The following AGPAT4 variants were observed in gnomAD, a reference collection of about 807,000 sequenced individuals.
AGPAT4 encodes the protein 1-acyl-sn-glycerol-3-phosphate acyltransferase delta.
Under a neutral mutation model 48.0 loss-of-function variants are expected in AGPAT4, and 15 were observed. The ratio of observed to expected loss-of-function variants is 0.31; its 90% confidence interval spans 0.21 to 0.48. The LOEUF (loss-of-function observed/expected upper bound fraction) is 0.48, where lower values mean the gene tolerates loss of function less well. Among genes scored for constraint, AGPAT4 ranks in the 20% least tolerant of loss-of-function variants. AGPAT4 has a pLI of 0.99. For synonymous variants in AGPAT4, 178 were observed against 198.7 expected, an observed-to-expected ratio of 0.90 and a Z score of 0.88; for missense variants, 314 against 482.5, an observed-to-expected ratio of 0.65 and a Z score of 3.27.
At position 161,159,015 on chromosome 6, in the gene AGPAT4, ATAAAATGAGGTATC is replaced by A. The variant is rs757544298; in HGVS notation, c.349-4719_349-4706del. On this transcript the variant is annotated intron_variant, in intron 3 of 8. Transcript: ENST00000320285. This position sits in a 1 kb window ranked among gnomAD's most constrained non-coding sequence, Gnocchi z 4.1. ...AAGGTCATTTATTTCTACTAAATATATAAAATGAGGTATCTTAAGTGGAACTTCAAAAACAGGTG... is the reference window on the plus strand; with the variant it reads ...AAGGTCATTTATTTCTACTAAATATATTAAGTGGAACTTCAAAAACAGGTG... Among the ~76,000 whole-genome samples the A allele has an allele frequency of 1.3e-5, 2 of 152,236 alleles. No homozygotes were observed. The highest frequency in any genetic ancestry group is 2.9e-5 in the Non-Finnish European group (2 of 68,046).
Position 161,272,775 on chromosome 6 carries a change from C to T in AGPAT4, c.-90+1163G>A, listed in dbSNP as rs1198654470. On this transcript the variant is annotated intron_variant, in intron 1 of 8. Coordinates refer to ENST00000320285, the MANE Select transcript of AGPAT4 (RefSeq NM_020133.3). The surrounding 1 kb of genome is among the most constrained non-coding windows in gnomAD (Gnocchi z 4.2). ...TTCTCTCAAGATACTTTTTTTCCAA[C>T]TGAGAGTCGTTGACTAATCACAGAT... is the stretch of plus-strand genomic sequence containing the variant. 6.6e-6 allele frequency among the ~76,000 whole-genome samples: 1 copy of T among 151,756 alleles called. No individual in the cohort carries two copies. The highest frequency in any genetic ancestry group is 1.5e-5 in the Non-Finnish European group (1 of 68,016).
rs1783116737 is a variant in AGPAT4 at position 161,261,997 on chromosome 6, C to T, written c.-90+11941G>A. On this transcript the variant is annotated intron_variant, in intron 1 of 8. Transcript: ENST00000320285. This position sits in a 1 kb window ranked among gnomAD's most constrained non-coding sequence, Gnocchi z 5.3. ...AATGGAGATAAGAAGAGTTCCTAGT[C>T]GAGGGCTGGTGGTGAGGATTATCCG... Among the ~76,000 whole-genome samples, 1 of 152,140 alleles carries T rather than the reference C, an allele frequency of 6.6e-6. No homozygotes were observed. Among genetic ancestry groups the T allele is most frequent in the Non-Finnish European group, 1.5e-5 (1 of 68,030 alleles).
intron 2 of AGPAT4, among the ~76,000 whole-genome samples, chr6:161,190,004 T>A (rs548709691): frequency 1.8e-4 from 27 of 152,252 alleles, no homozygotes; most frequent in African/African-American, 5.1e-4. Flanking sequence ...CACCTTACGG[T>A]CAATGACTAG....
intron 1 of AGPAT4, among the ~76,000 whole-genome samples, chr6:161,239,643 C>A (rs1442822280): frequency 6.6e-6 from 1 of 152,172 alleles, no homozygotes; most frequent in Non-Finnish European, 1.5e-5. Flanking sequence ...ATCTAAACAT[C>A]TTATTGAAGC....
At chr6:161,172,072 G>C (rs1780281483) in intron 2 of AGPAT4, among the ~76,000 whole-genome samples, 1 of 152,160 alleles carries the variant, frequency 6.6e-6, no homozygotes, top group Non-Finnish European at 1.5e-5. Flanking sequence ...AAGAATTGGA[G>C]CCATTTGGTA....
rs184422193 is a variant in AGPAT4 at position 161,189,842 on chromosome 6, G to C, written c.179-23425C>G. Among the ~76,000 whole-genome samples, 1 of 152,292 alleles carries C rather than the reference G, an allele frequency of 6.6e-6. No individual in the cohort carries two copies. The highest frequency in any genetic ancestry group is 1.5e-5 in the Non-Finnish European group (1 of 68,032). On this transcript the variant is annotated intron_variant, in intron 2 of 8. Coordinates refer to ENST00000320285, the MANE Select transcript of AGPAT4 (RefSeq NM_020133.3). The surrounding 1 kb of genome is among the most constrained non-coding windows in gnomAD (Gnocchi z 5.3). Reference sequence around the variant, plus strand: ...TCAAGATAGCACTGAGTTTTGTGCAGGCCCAGGCTCTGTTCTGTCTTATCA... The same window carrying C: ...TCAAGATAGCACTGAGTTTTGTGCACGCCCAGGCTCTGTTCTGTCTTATCA...
At position 161,255,344 on chromosome 6, in the gene AGPAT4, T is replaced by C. The variant is rs1782917975; in HGVS notation, c.-90+18594A>G. On this transcript the variant is annotated intron_variant, in intron 1 of 8. Coordinates refer to ENST00000320285, the MANE Select transcript of AGPAT4 (RefSeq NM_020133.3). The surrounding 1 kb of genome is among the most constrained non-coding windows in gnomAD (Gnocchi z 4.7). ...AGTTCTTCTGATGTTAGAATTACCATATGACCCAGAAACTCTACTCCTAGG... is the reference window on the plus strand; with the variant it reads ...AGTTCTTCTGATGTTAGAATTACCACATGACCCAGAAACTCTACTCCTAGG... Among the ~76,000 whole-genome samples, 1 of 152,190 alleles carries C rather than the reference T, an allele frequency of 6.6e-6. No homozygotes were observed. The highest frequency in any genetic ancestry group is 6.5e-5 in the Admixed American group (1 of 15,278).
At position 161,161,317 on chromosome 6, in the gene AGPAT4, G is replaced by A. The variant is rs566625548; in HGVS notation, c.348+4931C>T. On this transcript the variant is annotated intron_variant, in intron 3 of 8. Transcript: ENST00000320285. The surrounding 1 kb of genome is among the most constrained non-coding windows in gnomAD (Gnocchi z 4.6). ...GAACCCGCGGTGCAGCCATAGTCCC[G>A]TGAGCTGCCCACTTCCTGCCCTGGC... is the stretch of plus-strand genomic sequence containing the variant. 374 of 456,712 alleles carry A rather than the reference G, an allele frequency of 8.2e-4. 4 individuals are homozygous for A. The highest frequency in any genetic ancestry group is 1.8e-3 in the South Asian group (117 of 64,576). 28.3% of individuals were successfully genotyped at this position (456,712 alleles called of 1,614,324 possible).
rs1375144242 is a variant in AGPAT4, at chr6:161,219,872, T to TAGATAGATAGATAGAC, written c.178+12163_178+12164insGTCTATCTATCTATCT. 1.2e-4 allele frequency among the ~76,000 whole-genome samples: 15 copies of TAGATAGATAGATAGAC among 121,240 alleles called. 1 individual carries two copies. The highest frequency in any genetic ancestry group is 3.7e-4 in the African/African-American group (13 of 35,340). 79.5% of individuals were successfully genotyped at this position (121,240 alleles called of 152,430 possible). A position where few individuals can be genotyped will look rare whatever the true frequency, so the allele number is the denominator to read the frequency against. On this transcript the variant is annotated intron_variant, in intron 2 of 8. Transcript: ENST00000320285. The surrounding 1 kb of genome is among the most constrained non-coding windows in gnomAD (Gnocchi z 4.9). ...ATAGATAGATAGATAGATAGATAGATAGGCAGGCAGGCAGGCAGGCAGGCA... is the reference window on the plus strand; with the variant it reads ...ATAGATAGATAGATAGATAGATAGATAGATAGATAGATAGACAGGCAGGCAGGCAGGCAGGCAGGCA...
In AGPAT4 at chr6:161,177,727, T is replaced by C. The variant is rs1467791400; in HGVS notation, c.179-11310A>G. ...CATTCCTTTGGAGTAGAAGAGGCAC[T>C]CTGATTTTTAGAATTTTCAGCTTTT... On this transcript the variant is annotated intron_variant, in intron 2 of 8. Coordinates refer to ENST00000320285, the MANE Select transcript of AGPAT4 (RefSeq NM_020133.3). The surrounding 1 kb of genome is among the most constrained non-coding windows in gnomAD (Gnocchi z 5.0). 6.6e-6 allele frequency among the ~76,000 whole-genome samples: 1 copy of C among 152,238 alleles called. No individual in the cohort carries two copies. Among genetic ancestry groups the C allele is most frequent in the Non-Finnish European group, 1.5e-5 (1 of 68,038 alleles).
At chr6:161,237,630 A>G (rs550573881) in intron 1 of AGPAT4, among the ~76,000 whole-genome samples, 2 of 152,190 alleles carry the variant, frequency 1.3e-5, no homozygotes, top group Non-Finnish European at 2.9e-5. Flanking sequence ...TAAAATAATA[A>G]TGTGTGCATA....
At position 161,246,278 on chromosome 6, in the gene AGPAT4, G is replaced by A. The variant is rs1370754375; in HGVS notation, c.-89-13976C>T. On this transcript the variant is annotated intron_variant, in intron 1 of 8. Transcript: ENST00000320285. The surrounding 1 kb of genome is among the most constrained non-coding windows in gnomAD (Gnocchi z 5.5). ...ACGCATACATTCATTCGTCCACTGAGAAGTATATTCATTCATTAGGTTCCC... is the reference window on the plus strand; with the variant it reads ...ACGCATACATTCATTCGTCCACTGAAAAGTATATTCATTCATTAGGTTCCC... Among the ~76,000 whole-genome samples, 1 of 152,182 alleles carries A rather than the reference G, an allele frequency of 6.6e-6. No individual in the cohort carries two copies. The highest frequency in any genetic ancestry group is 1.9e-4 in the East Asian group (1 of 5,194).
At chr6:161,205,549 G>C (rs1781357009) in intron 2 of AGPAT4, among the ~76,000 whole-genome samples, 1 of 152,166 alleles carries the variant, frequency 6.6e-6, no homozygotes, top group African/African-American at 2.4e-5. Context: ...CCACTTACTT[G>C]GTTTCTACTC....
rs1781774085 is a variant in AGPAT4, at chr6:161,219,885, A to AGGCAGGCAGGCAGGCAGGC, written c.178+12132_178+12150dup. ...TAGATAGATAGATAGGCAGGCAGGC[A>AGGCAGGCAGGCAGGCAGGC]GGCAGGCAGGCAGGCAGGCAGGCAG... is the stretch of plus-strand genomic sequence containing the variant. On this transcript the variant is annotated intron_variant, in intron 2 of 8. Coordinates refer to ENST00000320285, the MANE Select transcript of AGPAT4 (RefSeq NM_020133.3). The surrounding 1 kb of genome is among the most constrained non-coding windows in gnomAD (Gnocchi z 4.9). Among the ~76,000 whole-genome samples the AGGCAGGCAGGCAGGCAGGC allele has an allele frequency of 8.3e-6, 1 of 119,786 alleles. No homozygotes were observed. Among genetic ancestry groups the AGGCAGGCAGGCAGGCAGGC allele is most frequent in the African/African-American group, 3.4e-5 (1 of 29,142 alleles). The allele number at this position is 119,786 out of a possible 152,430, so 78.6% of individuals were successfully genotyped here.
At position 161,134,743 on chromosome 6, in the gene AGPAT4, A is replaced by ACCTC. The variant is rs1779011358; in HGVS notation, c.*1796_*1797insGAGG. The ACCTC allele has an allele frequency of 6.6e-6, 1 of 152,054 alleles. No individual in the cohort carries two copies. Among genetic ancestry groups the ACCTC allele is most frequent in the Non-Finnish European group, 1.5e-5 (1 of 68,056 alleles). The allele number at this position is 152,054 out of a possible 1,614,324, so 9.4% of individuals were successfully genotyped here. A position where few individuals can be genotyped will look rare whatever the true frequency, so the allele number is the denominator to read the frequency against. ...CGTGCTCACAGACACGCAAGGCTAC[A>ACCTC]CACCATGCACACCTCCACTTCTCCA... is the stretch of plus-strand genomic sequence containing the variant. On this transcript the variant is annotated 3_prime_UTR_variant, in exon 9 of 9. Coordinates refer to ENST00000320285, the MANE Select transcript of AGPAT4 (RefSeq NM_020133.3).
chr6:161,162,203 G>A (rs545163040), intron 3 of AGPAT4, among the ~76,000 whole-genome samples: 5 of 152,200 alleles, frequency 3.3e-5, no homozygotes, highest in Non-Finnish European at 7.3e-5. Context: ...TCATGTCACC[G>A]TGGGGTGGGC....
At position 161,143,945 on chromosome 6, in the gene AGPAT4, C is replaced by T; in HGVS notation, c.843+2579G>A. The T allele has an allele frequency of 3.3e-6, 1 of 298,954 alleles. No homozygotes were observed. The highest frequency in any genetic ancestry group is 6.7e-6 in the Non-Finnish European group (1 of 148,810). 18.5% of individuals were successfully genotyped at this position (298,954 alleles called of 1,614,324 possible). On this transcript the variant is annotated intron_variant, in intron 7 of 8. Coordinates refer to ENST00000320285, the MANE Select transcript of AGPAT4 (RefSeq NM_020133.3). The surrounding 1 kb of genome is among the most constrained non-coding windows in gnomAD (Gnocchi z 4.7). ...GTCAGAGAACTACTGCCCTAAAATC[C>T]CAAGGTCAAAATCAACAGAACTGTC...
At position 161,184,234 on chromosome 6, in the gene AGPAT4, G is replaced by A. The variant is rs752815315; in HGVS notation, c.179-17817C>T. 4.6e-5 allele frequency among the ~76,000 whole-genome samples: 7 copies of A among 151,952 alleles called. No homozygotes were observed. The highest frequency in any genetic ancestry group is 1.5e-4 in the African/African-American group (6 of 41,340). ...TCAGCCCAACAGGGGTGGTGGGCTC[G>A]GTGGGCATAGTGGAAATGGTGAGAA... is the stretch of plus-strand genomic sequence containing the variant. On this transcript the variant is annotated intron_variant, in intron 2 of 8. Coordinates refer to ENST00000320285, the MANE Select transcript of AGPAT4 (RefSeq NM_020133.3). The surrounding 1 kb of genome is among the most constrained non-coding windows in gnomAD (Gnocchi z 4.8).
chr6:161,204,962 GACGCT>G lies in AGPAT4; in HGVS notation c.178+27069_178+27073del, dbSNP rs1781341369. Among the ~76,000 whole-genome samples the G allele has an allele frequency of 6.6e-6, 1 of 152,172 alleles. No individual in the cohort carries two copies. The highest frequency in any genetic ancestry group is 1.9e-4 in the East Asian group (1 of 5,188). ...ATAAACCGGGTATGAACAACGACAT[GACGCT>G]GTTGATGAAAAGACACTGGACAGAA... On this transcript the variant is annotated intron_variant, in intron 2 of 8. Coordinates refer to ENST00000320285, the MANE Select transcript of AGPAT4 (RefSeq NM_020133.3). This position sits in a 1 kb window ranked among gnomAD's most constrained non-coding sequence, Gnocchi z 4.4.
Sources: allele counts gnomAD v4.1 joint callset (sites outside exome capture counted in the v4.1 genomes callset), GRCh38; gene constraint gnomAD v4.1.1; non-coding constraint Gnocchi (gnomAD v3.1); transcripts MANE v1.5; gene names NCBI Gene and HGNC (gene_info 2026-07-23, HGNC 2026-07-21).